SUGCT: variants seen among roughly 807,000 people sequenced by gnomAD.
The protein encoded by SUGCT is succinyl-CoA:glutarate CoA-transferase.
Under a neutral mutation model 55.0 loss-of-function variants are expected in SUGCT, and 41 were observed. That is an observed-to-expected ratio of 0.74 (90% CI 0.58 to 0.97). SUGCT has a LOEUF of 0.97. Among genes scored for constraint, SUGCT ranks in the 50% least tolerant of loss-of-function variants. The probability of loss-of-function intolerance (pLI) is 0.00; values close to 1 mark genes in which losing one functional copy is unlikely to be tolerated. For missense variants in SUGCT, 568 were observed against 547.8 expected (o/e 1.04, Z -0.37); for synonymous variants, 187 against 200.4 (o/e 0.93, Z 0.56).
intron 1 of SUGCT, 34 bp downstream of exon 1, chr7:40,135,154 G>C: frequency 6.6e-7 from 1 of 1,519,330 alleles, no homozygotes; most frequent in Non-Finnish European, 8.8e-7. Context: ...GTGGCTAAAG[G>C]GATCCCTGCC....
chr7:40,879,129 A>G, the SUGCT span, among the ~76,000 whole-genome samples: 1 of 152,018 alleles, frequency 6.6e-6, no homozygotes, highest in Admixed American at 6.6e-5. Flanking sequence ...TCATCTAACC[A>G]CTTTACATAT....
At chr7:41,037,363 A>C in the SUGCT span, among the ~76,000 whole-genome samples, 1 of 151,984 alleles carries the variant, frequency 6.6e-6, no homozygotes, top group South Asian at 2.1e-4. Flanking sequence ...TCCTTACTGA[A>C]TCTGAATCCT....
chr7:40,331,949 G>A (rs1304170174), intron 9 of SUGCT, among the ~76,000 whole-genome samples: 1 of 152,172 alleles, frequency 6.6e-6, no homozygotes, highest in African/African-American at 2.4e-5. Flanking sequence ...AACTGCAAAT[G>A]GCATAGTCAC....
At chr7:40,725,406 A>G (rs1468237713) in intron 12 of SUGCT, among the ~76,000 whole-genome samples, 1 of 152,220 alleles carries the variant, frequency 6.6e-6, no homozygotes, top group East Asian at 1.9e-4. Flanking sequence ...CCCAAATGAC[A>G]CAATGCGTTT....
intron 9 of SUGCT, among the ~76,000 whole-genome samples, chr7:40,438,772 T>G (rs1788310394): frequency 6.6e-6 from 1 of 151,674 alleles, no homozygotes; most frequent in African/African-American, 2.4e-5. Context: ...GGTAGTGGTG[T>G]GTGTGCACGG....
intron 12 of SUGCT, among the ~76,000 whole-genome samples, chr7:40,655,217 C>A (rs1343762344): frequency 6.6e-6 from 1 of 152,016 alleles, no homozygotes; most frequent in African/African-American, 2.4e-5. Context: ...TCACTTGAAC[C>A]CAGGAGGTCA....
the SUGCT span, among the ~76,000 whole-genome samples, chr7:40,885,341 C>G: frequency 6.6e-6 from 1 of 152,142 alleles, no homozygotes; most frequent in Non-Finnish European, 1.5e-5. Flanking sequence ...TTTCCCACCA[C>G]TTCTTCCTTC....
At chr7:40,372,573 C>T (rs953396521) in intron 9 of SUGCT, among the ~76,000 whole-genome samples, 1 of 151,914 alleles carries the variant, frequency 6.6e-6, no homozygotes, top group African/African-American at 2.4e-5. Context: ...ATAGATACTC[C>T]TGTAGGCTAT....
At chr7:40,867,826 T>C in the SUGCT span, among the ~76,000 whole-genome samples, 1 of 152,234 alleles carries the variant, frequency 6.6e-6, no homozygotes, top group African/African-American at 2.4e-5. Flanking sequence ...TGTGCTTATC[T>C]GACCAAAACA....
chr7:40,720,641 G>A (rs771865329), intron 12 of SUGCT, among the ~76,000 whole-genome samples: 1 of 152,132 alleles, frequency 6.6e-6, no homozygotes, highest in Non-Finnish European at 1.5e-5. Context: ...TAAGATTAGT[G>A]TAATGTGTTA....
chr7:40,949,197 G>A, the SUGCT span, among the ~76,000 whole-genome samples: 6 of 152,304 alleles, frequency 3.9e-5, no homozygotes, highest in East Asian at 9.7e-4. Flanking sequence ...GCATTTCTCT[G>A]ATGGCCAGTG....
chr7:40,808,850 C>G (rs1791247177), intron 13 of SUGCT, among the ~76,000 whole-genome samples: 1 of 152,138 alleles, frequency 6.6e-6, no homozygotes, highest in South Asian at 2.1e-4. Context: ...TGCTCACTTC[C>G]CAGACTTGTC....
At chr7:41,021,835 G>T in the SUGCT span, among the ~76,000 whole-genome samples, 1 of 152,018 alleles carries the variant, frequency 6.6e-6, no homozygotes, top group Non-Finnish European at 1.5e-5. Flanking sequence ...ACTCAATGAT[G>T]CATTAAACAT....
chr7:40,659,619 T>C (rs1801204896), intron 12 of SUGCT, among the ~76,000 whole-genome samples: 1 of 152,196 alleles, frequency 6.6e-6, no homozygotes, highest in African/African-American at 2.4e-5. Flanking sequence ...ACCAACAGGA[T>C]TCTTGTGGGT....
intron 12 of SUGCT, among the ~76,000 whole-genome samples, chr7:40,660,731 CTTTG>C (rs1397510887): frequency 6.6e-6 from 1 of 152,156 alleles, no homozygotes; most frequent in Non-Finnish European, 1.5e-5. Context: ...CCTCAGAAAA[CTTTG>C]TTTGATAAAA....
chr7:40,237,802 A>G, intron 7 of SUGCT, 76 bp downstream of exon 7: 5 of 1,175,984 alleles, frequency 4.3e-6, no homozygotes. Flanking sequence ...GCACTAACCC[A>G]TAGGATTAAA....
At chr7:40,488,439 A>T (rs1260790846) in intron 11 of SUGCT, among the ~76,000 whole-genome samples, 2 of 152,098 alleles carry the variant, frequency 1.3e-5, no homozygotes, top group African/African-American at 4.8e-5. Flanking sequence ...TCTTTAACGA[A>T]TTATCATAGT....
intron 9 of SUGCT, among the ~76,000 whole-genome samples, chr7:40,365,320 A>G (rs940067305): frequency 3.9e-5 from 6 of 151,970 alleles, no homozygotes; most frequent in Non-Finnish European, 8.8e-5. Context: ...TGAATGGGCA[A>G]AAACTGGAAG....
intron 12 of SUGCT, among the ~76,000 whole-genome samples, chr7:40,576,375 A>T (rs902451274): frequency 1.3e-5 from 2 of 152,222 alleles, no homozygotes; most frequent in African/African-American, 4.8e-5. Context: ...GAAAGGGAAA[A>T]AGGTCTGCCC....
Sources: gnomAD v4.1 joint callset for allele counts (sites outside exome capture counted in the v4.1 genomes callset) on GRCh38, gnomAD v4.1.1 for gene constraint, MANE v1.5 for transcripts, NCBI Gene and HGNC (gene_info 2026-07-23, HGNC 2026-07-21) for gene names.